Variants in GRIA1 observed in about 807,000 individuals in gnomAD.
The protein encoded by GRIA1 is glutamate ionotropic receptor AMPA type subunit 1.
In GRIA1, 31 loss-of-function variants were observed where a neutral mutation model predicts 99.2. That is an observed-to-expected ratio of 0.31 (90% CI 0.23 to 0.42). GRIA1 has a LOEUF of 0.42. GRIA1 is among the 10% of genes least tolerant of loss of function. The pLI is 1.00. For synonymous variants in GRIA1, 438 were observed against 432.4 expected (o/e 1.01, Z -0.16); for missense variants, 782 against 1,157.5 (o/e 0.68, Z 4.71).
At chr5:153,504,472 C>T (rs1040564817) in intron 2 of GRIA1, among the ~76,000 whole-genome samples, 2 of 151,730 alleles carry the variant, frequency 1.3e-5, no homozygotes, top group African/African-American at 4.8e-5. Context: ...AGATGTCCCC[C>T]ATTGCACATC....
intron 11 of GRIA1, among the ~76,000 whole-genome samples, chr5:153,720,900 T>C (rs1760012398): frequency 6.6e-6 from 1 of 152,126 alleles, no homozygotes; most frequent in Non-Finnish European, 1.5e-5. Flanking sequence ...TATAGTCTCA[T>C]TAGGAAGATA....
intron 5 of GRIA1, among the ~76,000 whole-genome samples, chr5:153,663,381 G>A (rs1369076003): frequency 6.6e-6 from 1 of 152,148 alleles, no homozygotes; most frequent in Non-Finnish European, 1.5e-5. Flanking sequence ...CAATTCTTAG[G>A]ACTGGTATTA....
At chr5:153,630,095 C>G (rs187119976) in intron 2 of GRIA1, among the ~76,000 whole-genome samples, 1 of 152,240 alleles carries the variant, frequency 6.6e-6, no homozygotes, top group African/African-American at 2.4e-5. Context: ...TTTAGTCCCT[C>G]TTTTGTTAAA....
chr5:153,674,605 C>A lies in GRIA1; in HGVS notation c.805C>A (p.Gln269Lys). The A allele has an allele frequency of 4.3e-6, 7 of 1,614,042 alleles. No individual in the cohort carries two copies. The highest frequency in any genetic ancestry group is 5.9e-6 in the Non-Finnish European group (7 of 1,179,972). Residue 269 changes from glutamine (Q) to lysine (K), a missense_variant, in exon 6 of 16, where the codon CAG becomes AAG. Physicochemically the swap from Gln to Lys is moderately conservative, Grantham distance 53. Transcript: ENST00000285900. ...CACTATTCCGGCCAAGATCATGCAG[C>A]AGTGGAAGAATAGTGATGCTCGAGA... ...TDTIPAKIMQ[Q>K]WKNSDARDHT... is the part of the protein sequence containing the mutation.
intron 13 of GRIA1, among the ~76,000 whole-genome samples, chr5:153,771,871 G>A (rs1350829816): frequency 6.6e-6 from 1 of 151,976 alleles, no homozygotes; most frequent in African/African-American, 2.4e-5. Flanking sequence ...AAAAACATAA[G>A]GTAATCAAAA....
rs181493743 is a variant in GRIA1, at chr5:153,720,270, A to G, written c.1823+14203A>G. 6.6e-5 allele frequency among the ~76,000 whole-genome samples: 10 copies of G among 152,336 alleles called. No homozygotes were observed. In the East Asian group the frequency reaches 1.7e-3, roughly 26 times the overall value. On this transcript the variant is annotated intron_variant, in intron 11 of 15. Coordinates refer to ENST00000285900, the MANE Select transcript of GRIA1 (RefSeq NM_000827.4). ...AAGTGACCCTTAACAAACAATAAGC[A>G]ATTTTTTAAAGGACTAATGTTTAGA...
intron 2 of GRIA1, among the ~76,000 whole-genome samples, chr5:153,595,333 CCT>C (rs1214182685): frequency 6.6e-6 from 1 of 152,230 alleles, no homozygotes; most frequent in Admixed American, 6.5e-5. Context: ...ATTTTTCTCC[CCT>C]ATGATTAAAA....
chr5:153,670,060 G>T (rs896446742), intron 5 of GRIA1, among the ~76,000 whole-genome samples: 1 of 152,144 alleles, frequency 6.6e-6, no homozygotes, highest in Non-Finnish European at 1.5e-5. Flanking sequence ...TGGTTATTTT[G>T]CAAAAGTGCC....
At chr5:153,593,097 C>G (rs1308029770) in intron 2 of GRIA1, among the ~76,000 whole-genome samples, 8 of 152,086 alleles carry the variant, frequency 5.3e-5, no homozygotes, top group African/African-American at 1.9e-4. Flanking sequence ...AAAACCCTGT[C>G]TTTACTAAAA....
chr5:153,558,705 A>G (rs954963242), intron 2 of GRIA1, among the ~76,000 whole-genome samples: 2 of 152,204 alleles, frequency 1.3e-5, no homozygotes, highest in Admixed American at 6.6e-5. Context: ...ATATTCATAC[A>G]TAGTTTTTTA....
intron 2 of GRIA1, among the ~76,000 whole-genome samples, chr5:153,565,235 G>T (rs1761510710): frequency 6.6e-6 from 1 of 152,114 alleles, no homozygotes; most frequent in Admixed American, 6.5e-5. Context: ...AAGTCTTTTG[G>T]TTCAGGTATT....
chr5:153,751,939 C>T (rs557235969), intron 11 of GRIA1, among the ~76,000 whole-genome samples: 31 of 152,336 alleles, frequency 2.0e-4, no homozygotes, highest in African/African-American at 7.2e-4. Context: ...AGCATCTTTC[C>T]TCTCCCACAG....
chr5:153,624,216 GTCCCAAGGTC>G (rs1409416964), intron 2 of GRIA1, among the ~76,000 whole-genome samples: 2 of 152,170 alleles, frequency 1.3e-5, no homozygotes. Context: ...CTCCCCAAAA[GTCCCAAGGTC>G]AGAGCTATTT....
rs77486234 is a variant in GRIA1, at chr5:153,611,003, T to G, written c.221-35925T>G. Among the ~76,000 whole-genome samples, 326 of 152,288 alleles carry G rather than the reference T, an allele frequency of 2.1e-3. 10 individuals are homozygous for G. In the East Asian group the frequency reaches 0.052, roughly 24 times the overall value. On this transcript the variant is annotated intron_variant, in intron 2 of 15. Transcript: ENST00000285900. ...GATGGTTCAAACAGGCTGTCCAACT[T>G]TCTTAGTTGGATATGGGGATTTCCA...
chr5:153,681,131 T>C (rs911356455), intron 7 of GRIA1, among the ~76,000 whole-genome samples: 1 of 151,866 alleles, frequency 6.6e-6, no homozygotes, highest in Non-Finnish European at 1.5e-5. Flanking sequence ...CATGGCAGAG[T>C]GTAAAGGAAG....
chr5:153,804,728 AATTAATTTATTTATTT>A (rs70978509), intron 15 of GRIA1, among the ~76,000 whole-genome samples: 64,949 of 135,154 alleles, frequency 0.48, 15,361 homozygotes, highest in East Asian at 0.81. Context: ...TTAATTAATT[AATTAATTTATTTATTT>A]ATTTATTTAT....
At chr5:153,558,113 A>G (rs1187328007) in intron 2 of GRIA1, 1 of 152,214 alleles carries the variant, frequency 6.6e-6, no homozygotes, top group Non-Finnish European at 1.5e-5. Context: ...GCATTGTGCT[A>G]CATTACTATG....
At chr5:153,550,546 G>A (rs544303854) in intron 2 of GRIA1, among the ~76,000 whole-genome samples, 2 of 152,038 alleles carry the variant, frequency 1.3e-5, no homozygotes, top group South Asian at 2.1e-4. Flanking sequence ...CAATTGTTAA[G>A]GTAAAGGAAA....
intron 8 of GRIA1, among the ~76,000 whole-genome samples, chr5:153,690,464 C>T (rs1297221018): frequency 6.6e-6 from 1 of 152,132 alleles, no homozygotes; most frequent in Non-Finnish European, 1.5e-5. Context: ...TACTCTTTGC[C>T]TCCCAGGATC....
Sources: allele counts gnomAD v4.1 joint callset (sites outside exome capture counted in the v4.1 genomes callset), GRCh38; gene constraint gnomAD v4.1.1; transcripts MANE v1.5; gene names NCBI Gene and HGNC (gene_info 2026-07-23, HGNC 2026-07-21).